STARD13: variants seen among roughly 807,000 people sequenced by gnomAD.
STARD13 encodes StAR related lipid transfer domain containing 13.
In STARD13, 62 loss-of-function variants were observed where a neutral mutation model predicts 106.4. That is an observed-to-expected ratio of 0.58 (90% CI 0.48 to 0.72). The LOEUF is 0.72. Among genes scored for constraint, STARD13 ranks in the 30% least tolerant of loss-of-function variants. STARD13 has a pLI of 0.00. For synonymous variants in STARD13, 565 were observed against 553.0 expected (o/e 1.02, Z -0.31); for missense variants, 1,387 against 1,424.0 (o/e 0.97, Z 0.42).
At chr13:33,600,986 A>G in the STARD13 span, among the ~76,000 whole-genome samples, 1 of 152,212 alleles carries the variant, frequency 6.6e-6, no homozygotes, top group African/African-American at 2.4e-5. Context: ...TTTCTCAAGC[A>G]ACACTTGGAT....
At chr13:33,403,746 T>C in the STARD13 span, among the ~76,000 whole-genome samples, 1 of 152,292 alleles carries the variant, frequency 6.6e-6, no homozygotes, top group East Asian at 1.9e-4. Context: ...TGCAGTCCAT[T>C]TGGGTGCCAG....
At chr13:33,611,724 G>A in the STARD13 span, among the ~76,000 whole-genome samples, 9 of 152,202 alleles carry the variant, frequency 5.9e-5, no homozygotes, top group African/African-American at 2.2e-4. Flanking sequence ...CATGCCCAGA[G>A]TCAAATGCAG....
At chr13:33,569,081 T>TTAAG in the STARD13 span, among the ~76,000 whole-genome samples, 1 of 148,278 alleles carries the variant, frequency 6.7e-6, no homozygotes, top group Non-Finnish European at 1.5e-5. Flanking sequence ...CAGAGTTTAC[T>TTAAG]TAAGCTTATG....
the STARD13 span, among the ~76,000 whole-genome samples, chr13:33,450,650 G>A: frequency 1.3e-5 from 2 of 152,090 alleles, no homozygotes; most frequent in African/African-American, 2.4e-5. Context: ...TAACTTTTTT[G>A]TTTAGATATA....
chr13:33,515,759 C>T, the STARD13 span, among the ~76,000 whole-genome samples: 8 of 152,190 alleles, frequency 5.3e-5, no homozygotes, highest in African/African-American at 1.4e-4. Flanking sequence ...AATTATTGAG[C>T]AGTACATGTC....
the STARD13 span, among the ~76,000 whole-genome samples, chr13:33,651,825 C>G: frequency 0.012 from 1,834 of 152,334 alleles, 18 homozygotes; most frequent in Non-Finnish European, 0.02. Context: ...TCCTTCCACT[C>G]TGCTGGCGAA....
At chr13:33,315,840 A>AT (rs945537183) in intron 1 of STARD13, among the ~76,000 whole-genome samples, 4 of 152,094 alleles carry the variant, frequency 2.6e-5, no homozygotes, top group African/African-American at 9.7e-5. Flanking sequence ...CCTACACAAC[A>AT]TTTTTTTCAT....
chr13:33,495,237 T>C, the STARD13 span, among the ~76,000 whole-genome samples: 2 of 152,238 alleles, frequency 1.3e-5, no homozygotes, highest in African/African-American at 4.8e-5. Flanking sequence ...ATTAAAAAAC[T>C]ATTCAGAACT....
At chr13:33,298,609 A>G (rs1396180724) in intron 1 of STARD13, among the ~76,000 whole-genome samples, 3 of 152,164 alleles carry the variant, frequency 2.0e-5, no homozygotes, top group East Asian at 1.9e-4. Context: ...GTTTATAAGT[A>G]TATGTGCATA....
chr13:33,396,036 G>A, the STARD13 span, among the ~76,000 whole-genome samples: 1 of 151,826 alleles, frequency 6.6e-6, no homozygotes, highest in Non-Finnish European at 1.5e-5. Context: ...TTTTTTGGTA[G>A]AGGTGAGGTC....
chr13:33,176,481 C>T (rs184496384), intron 1 of STARD13, among the ~76,000 whole-genome samples: 2 of 152,228 alleles, frequency 1.3e-5, no homozygotes, highest in East Asian at 1.9e-4. Context: ...TTACAGCTAT[C>T]GATAGATTCA....
chr13:33,531,539 T>G, the STARD13 span, among the ~76,000 whole-genome samples: 1 of 152,132 alleles, frequency 6.6e-6, no homozygotes, highest in Admixed American at 6.5e-5. Flanking sequence ...TTTCCTTCCT[T>G]AAGCCTAGAA....
the STARD13 span, among the ~76,000 whole-genome samples, chr13:33,466,942 C>T: frequency 6.6e-6 from 1 of 151,832 alleles, no homozygotes; most frequent in Non-Finnish European, 1.5e-5. Flanking sequence ...TCTTCCTGAC[C>T]AGTGGTCTAC....
chr13:33,475,900 C>T, the STARD13 span, among the ~76,000 whole-genome samples: 21 of 151,720 alleles, frequency 1.4e-4, no homozygotes, highest in East Asian at 5.8e-4. Flanking sequence ...GAGGTTGCAG[C>T]GAGCCGAGAT....
At chr13:33,325,929 G>A (rs2077769404) in intron 1 of STARD13, among the ~76,000 whole-genome samples, 1 of 144,348 alleles carries the variant, frequency 6.9e-6, no homozygotes, top group Admixed American at 7.2e-5. Context: ...AGCTTGCAGT[G>A]AGCCGAAATA....
At chr13:33,502,199 G>A in the STARD13 span, among the ~76,000 whole-genome samples, 1 of 152,118 alleles carries the variant, frequency 6.6e-6, no homozygotes, top group African/African-American at 2.4e-5. Context: ...TTTTATTGGT[G>A]TACAGGAATG....
chr13:33,311,392 C>T (rs898612204), intron 1 of STARD13, among the ~76,000 whole-genome samples: 3 of 152,126 alleles, frequency 2.0e-5, no homozygotes, highest in African/African-American at 7.2e-5. Flanking sequence ...ATATGTGGTC[C>T]ATTGTTGACC....
chr13:33,196,604 C>A (rs1024258928), intron 1 of STARD13, among the ~76,000 whole-genome samples: 4 of 152,140 alleles, frequency 2.6e-5, no homozygotes, highest in African/African-American at 9.6e-5. Flanking sequence ...TCATGATGTG[C>A]GGCAGCCGAC....
chr13:33,394,508 A>C, the STARD13 span, among the ~76,000 whole-genome samples: 1 of 152,274 alleles, frequency 6.6e-6, no homozygotes, highest in Middle Eastern at 3.4e-3. Context: ...TGAAATCATG[A>C]TCCTCTCTCT....
Sources: allele counts gnomAD v4.1 joint callset (sites outside exome capture counted in the v4.1 genomes callset), GRCh38; gene constraint gnomAD v4.1.1; transcripts MANE v1.5; gene names NCBI Gene and HGNC (gene_info 2026-07-23, HGNC 2026-07-21).